The following CCDC137 variants were observed in gnomAD, a reference collection of about 807,000 sequenced individuals.
The protein encoded by CCDC137 is coiled-coil domain containing 137.
A neutral mutation model predicts 30.4 loss-of-function variants in CCDC137; 24 were observed. The observed-to-expected ratio is 0.79, with a 90% CI of 0.57 to 1.11. The LOEUF is 1.11. Among genes scored for constraint, CCDC137 ranks in the 50% least tolerant of loss-of-function variants. The pLI, the probability that CCDC137 is intolerant of heterozygous loss-of-function variation, is 0.00. For missense variants in CCDC137, 417 were observed against 380.4 expected, an observed-to-expected ratio of 1.10 and a Z score of -0.80; for synonymous variants, 182 against 155.7, an observed-to-expected ratio of 1.17 and a Z score of -1.26.
intron 5 of CCDC137, 141 bp from the exon 6 acceptor site, chr17:81,672,354 C>G (rs1469217432): frequency 1.0e-6 from 1 of 962,396 alleles, no homozygotes; most frequent in African/African-American, 1.7e-5. Context: ...AAAAAAAACC[C>G]TCAGCCAACG....
At chr17:81,667,548 C>G (rs573739271) in intron 1 of CCDC137, among the ~76,000 whole-genome samples, 181 bp from the exon 2 acceptor site, 5 of 152,008 alleles carry the variant, frequency 3.3e-5, no homozygotes, top group African/African-American at 9.7e-5. Flanking sequence ...AGGATGGTCT[C>G]GATCTCCTGA....
chr17:81,670,807 C>T (rs750045344), intron 3 of CCDC137, among the ~76,000 whole-genome samples: 15 of 152,006 alleles, frequency 9.9e-5, no homozygotes, highest in African/African-American at 2.4e-4. Context: ...GAATGTCTCT[C>T]GTCCAAGAGA....
At position 81,672,904 on chromosome 17, in the gene CCDC137, C is replaced by T. The variant is rs142313053; in HGVS notation, c.*200C>T. On this transcript the variant is annotated 3_prime_UTR_variant, in exon 6 of 6. Coordinates refer to ENST00000329214, the MANE Select transcript of CCDC137 (RefSeq NM_199287.3). Reference sequence around the variant, plus strand: ...CTAGGGCCAAGGCCTGGTTGACAGACGGCCCGTGGGGCCCGGTGTCACTCA... The same window carrying T: ...CTAGGGCCAAGGCCTGGTTGACAGATGGCCCGTGGGGCCCGGTGTCACTCA... The T allele has an allele frequency of 1.5e-4, 90 of 588,486 alleles. 1 individual carries two copies. The highest frequency in any genetic ancestry group is 1.4e-3 in the Admixed American group (44 of 30,442). The allele number at this position is 588,486 out of a possible 1,614,324, so 36.5% of individuals were successfully genotyped here. A position where few individuals can be genotyped will look rare whatever the true frequency, so the allele number is the denominator to read the frequency against.
intron 2 of CCDC137, among the ~76,000 whole-genome samples, chr17:81,669,531 G>A (rs1205794449): frequency 1.3e-5 from 2 of 152,130 alleles, no homozygotes; most frequent in Non-Finnish European, 2.9e-5. Context: ...GGGGTCCTGC[G>A]CTTGCGTTCT....
intron 1 of CCDC137, 76 bp downstream of exon 1, chr17:81,666,976 C>G (rs1276323022): frequency 8.1e-7 from 1 of 1,231,324 alleles, no homozygotes; most frequent in African/African-American, 1.6e-5. Context: ...CCGGGACCCC[C>G]TAGGGAGCGT....
chr17:81,667,360 G>T lies in CCDC137; in HGVS notation c.135-369G>T, dbSNP rs370303644. On this transcript the variant is annotated intron_variant, in intron 1 of 5. Coordinates refer to ENST00000329214, the MANE Select transcript of CCDC137 (RefSeq NM_199287.3). Reference sequence around the variant, plus strand: ...TTTTGAGACGGAGTCTCACTCTGTCGCCCAGGCTGGAGTGTGGAGTGCAGT... The same window carrying T: ...TTTTGAGACGGAGTCTCACTCTGTCTCCCAGGCTGGAGTGTGGAGTGCAGT... 2.0e-4 allele frequency among the ~76,000 whole-genome samples: 28 copies of T among 139,870 alleles called. 1 individual carries two copies. The East Asian group carries it at 5.0e-3, about 25-fold the overall frequency. The allele number at this position is 139,870 out of a possible 152,430, so 91.8% of individuals were successfully genotyped here.
At chr17:81,667,911 C>T (rs1278141669) in intron 2 of CCDC137, 49 bp downstream of exon 2, 4 of 1,587,440 alleles carry the variant, frequency 2.5e-6, no homozygotes, top group Non-Finnish European at 3.4e-6. Flanking sequence ...TGTGTCTCAA[C>T]CCGCCCAATC....
At position 81,670,436 on chromosome 17, in the gene CCDC137, GA is replaced by G. The variant is rs2144442854; in HGVS notation, c.486del (p.Ala163GlnfsTer10). ...QAAPKEKSEQ[K>X]KAKKAFQKRR... ...CAGCTCCCAAGGAGAAGTCTGAGCA[GA>G]AAAAAGCAAAAAAAGCGTGAGTGGA... On this transcript the variant is annotated frameshift_variant, in exon 3 of 6. Coordinates refer to ENST00000329214, the MANE Select transcript of CCDC137 (RefSeq NM_199287.3). LOFTEE classifies it high-confidence loss of function. 6.2e-7 allele frequency: 1 copy of G among 1,611,286 alleles called. No individual in the cohort carries two copies. The highest frequency in any genetic ancestry group is 2.2e-5 in the East Asian group (1 of 44,868).
rs1328963087 is a variant in CCDC137 at position 81,673,875 on chromosome 17, A to G, written c.*1171A>G. On this transcript the variant is annotated 3_prime_UTR_variant, in exon 6 of 6. Coordinates refer to ENST00000329214, the MANE Select transcript of CCDC137 (RefSeq NM_199287.3). ...CCTTCCCCAAGTTTGCACTTTCGAC[A>G]TTAAAGTTTACTTTTTAGTTAAAAG... 6.6e-6 allele frequency: 1 copy of G among 152,260 alleles called. No individual in the cohort carries two copies. Among genetic ancestry groups the G allele is most frequent in the Non-Finnish European group, 1.5e-5 (1 of 68,048 alleles). 9.4% of individuals were successfully genotyped at this position (152,260 alleles called of 1,614,324 possible).
Position 81,672,865 on chromosome 17 carries a change from G to A in CCDC137, c.*161G>A, listed in dbSNP as rs2036738600. ...AGTGGGTCCACATCTTGCAGGGGGT[G>A]AGTGCCCGATGGACTAGGGCCAAGG... is the stretch of plus-strand genomic sequence containing the variant. On this transcript the variant is annotated 3_prime_UTR_variant, in exon 6 of 6. Coordinates refer to ENST00000329214, the MANE Select transcript of CCDC137 (RefSeq NM_199287.3). 2 of 695,004 alleles carry A rather than the reference G, an allele frequency of 2.9e-6. No homozygotes were observed. Among genetic ancestry groups the A allele is most frequent in the Admixed American group, 3.0e-5 (1 of 33,660 alleles). 43.1% of individuals were successfully genotyped at this position (695,004 alleles called of 1,614,324 possible).
rs2036737541 is a variant in CCDC137 at position 81,672,747 on chromosome 17, C to G, written c.*43C>G. On this transcript the variant is annotated 3_prime_UTR_variant, in exon 6 of 6. Coordinates refer to ENST00000329214, the MANE Select transcript of CCDC137 (RefSeq NM_199287.3). Reference sequence around the variant, plus strand: ...CCTGGCCACGCTCTGGGGCAACTGGCACCAGGAGCTGCTACACCTGGGTAG... The same window carrying G: ...CCTGGCCACGCTCTGGGGCAACTGGGACCAGGAGCTGCTACACCTGGGTAG... 2 of 1,494,196 alleles carry G rather than the reference C, an allele frequency of 1.3e-6. No homozygotes were observed. Among genetic ancestry groups the G allele is most frequent in the Non-Finnish European group, 1.8e-6 (2 of 1,111,840 alleles). 92.6% of individuals were successfully genotyped at this position (1,494,196 alleles called of 1,614,324 possible).
intron 2 of CCDC137, among the ~76,000 whole-genome samples, chr17:81,669,704 C>T (rs989486369): frequency 1.3e-5 from 2 of 152,174 alleles, no homozygotes; most frequent in African/African-American, 2.4e-5. Context: ...GGACTACAGG[C>T]GCCCACCACC....
chr17:81,671,483 T>G, intron 3 of CCDC137: 1 of 503,560 alleles, frequency 2.0e-6, no homozygotes, highest in Non-Finnish European at 3.6e-6. Flanking sequence ...CTGCACACAT[T>G]GTCAGATGTT....
intron 2 of CCDC137, 40 bp from the exon 3 acceptor site, chr17:81,670,175 CCTGCCACTGT>C: frequency 2.1e-6 from 3 of 1,439,870 alleles, no homozygotes. Flanking sequence ...GGGTCACCTG[CCTGCCACTGT>C]CTGCCTCCTG....
intron 5 of CCDC137, 22 bp downstream of exon 5, chr17:81,672,177 C>G (rs745583974): frequency 4.4e-6 from 7 of 1,608,462 alleles, no homozygotes; most frequent in Non-Finnish European, 6.0e-6. Flanking sequence ...ACGGGGACAA[C>G]TTGAGTTTGT....
intron 1 of CCDC137, 122 bp downstream of exon 1, chr17:81,667,022 C>A: frequency 9.5e-7 from 1 of 1,049,122 alleles, no homozygotes; most frequent in Non-Finnish European, 1.2e-6. Flanking sequence ...GGCTCAGTGC[C>A]CTCCTCTGTC....
rs1233144210 is a variant in CCDC137, at chr17:81,672,867, G to A, written c.*163G>A. 2.9e-6 allele frequency: 2 copies of A among 678,506 alleles called. No homozygotes were observed. The highest frequency in any genetic ancestry group is 1.9e-5 in the South Asian group (1 of 51,612). The allele number at this position is 678,506 out of a possible 1,614,324, so 42.0% of individuals were successfully genotyped here. A position where few individuals can be genotyped will look rare whatever the true frequency, so the allele number is the denominator to read the frequency against. On this transcript the variant is annotated 3_prime_UTR_variant, in exon 6 of 6. Coordinates refer to ENST00000329214, the MANE Select transcript of CCDC137 (RefSeq NM_199287.3). ...TGGGTCCACATCTTGCAGGGGGTGAGTGCCCGATGGACTAGGGCCAAGGCC... is the reference window on the plus strand; with the variant it reads ...TGGGTCCACATCTTGCAGGGGGTGAATGCCCGATGGACTAGGGCCAAGGCC...
chr17:81,668,242 G>T (rs1040478108), intron 2 of CCDC137, among the ~76,000 whole-genome samples: 1 of 152,224 alleles, frequency 6.6e-6, no homozygotes, highest in Non-Finnish European at 1.5e-5. Flanking sequence ...GAGTGGACCT[G>T]GCAACTGGCG....
At chr17:81,672,281 G>A in intron 5 of CCDC137, 126 bp downstream of exon 5, 2 of 1,041,682 alleles carry the variant, frequency 1.9e-6, no homozygotes, top group South Asian at 2.8e-5. Flanking sequence ...AAGGCAGGCG[G>A]ATTGCTTGAG....
Sources: allele counts gnomAD v4.1 joint callset (sites outside exome capture counted in the v4.1 genomes callset), GRCh38; gene constraint gnomAD v4.1.1; transcripts MANE v1.5; gene names NCBI Gene and HGNC (gene_info 2026-07-23, HGNC 2026-07-21).